The following VDAC3 variants were observed in gnomAD, a reference collection of about 807,000 sequenced individuals.
The protein encoded by VDAC3 is voltage dependent anion channel 3.
In VDAC3, 7 loss-of-function variants were observed where a neutral mutation model predicts 33.9. The observed-to-expected ratio is 0.21, with a 90% CI of 0.12 to 0.39. The LOEUF (loss-of-function observed/expected upper bound fraction) is 0.39. VDAC3 is among the 10% of genes least tolerant of loss of function. The probability of loss-of-function intolerance (pLI) is 1.00; values close to 1 mark genes in which losing one functional copy is unlikely to be tolerated. For synonymous variants in VDAC3, 100 were observed against 122.4 expected, an observed-to-expected ratio of 0.82 and a Z score of 1.21; for missense variants, 261 against 334.5, an observed-to-expected ratio of 0.78 and a Z score of 1.71.
intron 4 of VDAC3, chr8:42,397,735 A>G (rs559668879): frequency 8.5e-5 from 13 of 152,364 alleles, no homozygotes; most frequent in African/African-American, 2.6e-4. Flanking sequence ...TAGACAGGAT[A>G]GAAAGGGGGA....
rs373203963 is a variant in VDAC3 at position 42,405,263 on chromosome 8, G to A, written c.761-108G>A. 66 of 861,302 alleles carry A rather than the reference G, an allele frequency of 7.7e-5. No homozygotes were observed. In the East Asian group the frequency reaches 1.5e-3, roughly 20 times the overall value. 53.4% of individuals were successfully genotyped at this position (861,302 alleles called of 1,614,324 possible). On this transcript the variant is annotated intron_variant, in intron 9 of 9. Coordinates refer to ENST00000022615, the MANE Select transcript of VDAC3 (RefSeq NM_005662.7). ...AGTAATAGCTGTTTGCTTATAGCTC[G>A]TATACCCAGCTACAATCCACACCAT...
At chr8:42,399,092 C>T (rs1383932716) in intron 5 of VDAC3, among the ~76,000 whole-genome samples, 3 of 152,024 alleles carry the variant, frequency 2.0e-5, no homozygotes, top group Non-Finnish European at 4.4e-5. Flanking sequence ...CTCTGTTACA[C>T]AGCTAAGCTT....
intron 8 of VDAC3, 142 bp from the exon 9 acceptor site, chr8:42,404,722 CAAA>C (rs878902511): frequency 0.012 from 4,081 of 350,668 alleles, no homozygotes; most frequent in South Asian, 0.032. Context: ...AACTTCATCT[CAAA>C]AAAAAAAAAA....
At chr8:42,394,121 C>T (rs977497221) in intron 2 of VDAC3, 89 bp from the exon 3 acceptor site, 1 of 1,184,744 alleles carries the variant, frequency 8.4e-7, no homozygotes, top group African/African-American at 1.5e-5. Context: ...CTGTATACCC[C>T]TTCTCACAGG....
rs531735926 is a variant in VDAC3 at position 42,403,199 on chromosome 8, C to T, written c.552-112C>T. 2.3e-6 allele frequency: 3 copies of T among 1,314,254 alleles called. No homozygotes were observed. The Admixed American group carries it at 6.8e-5, about 30-fold the overall frequency. 81.4% of individuals were successfully genotyped at this position (1,314,254 alleles called of 1,614,324 possible). A position where few individuals can be genotyped will look rare whatever the true frequency, so the allele number is the denominator to read the frequency against. The stretch of plus-strand genomic sequence containing the variant: ...ATTTATGCTAGAAATTTGCTGAAAT[C>T]TATAGTTACAAAATGGGATCCTTGT... On this transcript the variant is annotated intron_variant, in intron 7 of 9. Transcript: ENST00000022615.
intron 3 of VDAC3, 59 bp downstream of exon 3, chr8:42,394,337 G>A (rs755273669): frequency 2.8e-5 from 39 of 1,394,698 alleles, no homozygotes; most frequent in Non-Finnish European, 3.6e-5. Flanking sequence ...AATGCCTACT[G>A]TGTGTAAATA....
Position 42,393,867 on chromosome 8 carries a change from G to C in VDAC3, c.-20G>C. ...CAGGTCTTTGGTTTCATAAGAGCCT[G>C]AGAGAGATTTTTCTAAGGTAAATTT... On this transcript the variant is annotated 5_prime_UTR_variant, in exon 2 of 10. Transcript: ENST00000022615. 2.3e-6 allele frequency: 1 copy of C among 425,988 alleles called. No individual in the cohort carries two copies. The highest frequency in any genetic ancestry group is 4.1e-6 in the Non-Finnish European group (1 of 241,274). The allele number at this position is 425,988 out of a possible 1,614,324, so 26.4% of individuals were successfully genotyped here.
At chr8:42,395,204 G>A (rs1802283444) in intron 4 of VDAC3, 71 bp downstream of exon 4, 2 of 1,593,050 alleles carry the variant, frequency 1.3e-6, no homozygotes, top group African/African-American at 1.4e-5. Flanking sequence ...AATCATGACA[G>A]TCTAGTTACT....
chr8:42,398,852 T>C lies in VDAC3; in HGVS notation c.258T>C (p.Ser86=). The C allele has an allele frequency of 6.2e-7, 1 of 1,611,292 alleles. No individual in the cohort carries two copies. The change falls in exon 5 of 10, where the codon TCT becomes TCC. Residue 86 remains serine, a synonymous_variant. Transcript: ENST00000022615. ...NTDNTLGTEI[S]WENKLAEGLK... ...ACAATACTCTAGGGACAGAAATCTC[T>C]TGGGAGAATAAGGTAAGAGAACGCA...
chr8:42,401,652 A>T, intron 6 of VDAC3, 136 bp from the exon 7 acceptor site: 2 of 747,848 alleles, frequency 2.7e-6, no homozygotes, highest in African/African-American at 1.8e-5. Flanking sequence ...AAATGTTTTT[A>T]CTATATATGT....
chr8:42,400,057 G>T lies in VDAC3; in HGVS notation c.323+354G>T, dbSNP rs190082712. ...CTGCTGAGAAAGTTAATTCCTTTTG[G>T]CTGGGCGTGGTGGCTCACGCCTGTA... On this transcript the variant is annotated intron_variant, in intron 6 of 9. Coordinates refer to ENST00000022615, the MANE Select transcript of VDAC3 (RefSeq NM_005662.7). Among the ~76,000 whole-genome samples the T allele has an allele frequency of 2.8e-4, 42 of 152,296 alleles. 1 individual carries two copies. Among genetic ancestry groups the T allele is most frequent in the Admixed American group, 2.7e-3 (41 of 15,302 alleles).
At position 42,393,845 on chromosome 8, in the gene VDAC3, G is replaced by A. The variant is rs1469150965; in HGVS notation, c.-42G>A. The A allele has an allele frequency of 7.1e-6, 3 of 420,486 alleles. No individual in the cohort carries two copies. The highest frequency in any genetic ancestry group is 1.3e-5 in the Non-Finnish European group (3 of 237,936). The allele number at this position is 420,486 out of a possible 1,614,324, so 26.0% of individuals were successfully genotyped here. ...AAATTTCCATTGTTGTCTTATACAG[G>A]TCTTTGGTTTCATAAGAGCCTGAGA... On this transcript the variant is annotated splice_region_variant and 5_prime_UTR_variant, in exon 2 of 10. Coordinates refer to ENST00000022615, the MANE Select transcript of VDAC3 (RefSeq NM_005662.7).
intron 1 of VDAC3, among the ~76,000 whole-genome samples, chr8:42,392,421 C>A (rs1824886374): frequency 1.3e-5 from 2 of 152,224 alleles, no homozygotes; most frequent in African/African-American, 2.4e-5. Context: ...TCTCCTGCAG[C>A]CTCTGTGCAG....
chr8:42,391,963 C>G (rs1440812512), intron 1 of VDAC3, 35 bp downstream of exon 1: 2 of 152,504 alleles, frequency 1.3e-5, no homozygotes, highest in Non-Finnish European at 2.9e-5. Context: ...GCTCCAGTCC[C>G]GGAGAGCGGT....
intron 8 of VDAC3, among the ~76,000 whole-genome samples, 162 bp downstream of exon 8, chr8:42,403,623 C>G (rs1802453127): frequency 6.6e-6 from 1 of 152,224 alleles, no homozygotes; most frequent in Non-Finnish European, 1.5e-5. Flanking sequence ...CGCCTGTATT[C>G]CCAGCACTTT....
intron 4 of VDAC3, chr8:42,396,779 A>G (rs1346376410): frequency 1.5e-6 from 1 of 647,048 alleles, no homozygotes; most frequent in Non-Finnish European, 2.7e-6. Context: ...CAAATTTCTT[A>G]GATTGTGTCT....
intron 6 of VDAC3, among the ~76,000 whole-genome samples, chr8:42,400,750 C>G (rs866204180): frequency 7.6e-6 from 1 of 132,190 alleles, no homozygotes; most frequent in Non-Finnish European, 1.5e-5. Context: ...ACTGCAAACT[C>G]TGCCTCCTGG....
intron 7 of VDAC3, 166 bp downstream of exon 7, chr8:42,402,181 G>A (rs1802427088): frequency 4.0e-6 from 3 of 747,256 alleles, no homozygotes; most frequent in African/African-American, 1.8e-5. Context: ...TGGTGCACGT[G>A]GTGTGCAGGC....
At chr8:42,396,882 A>T (rs1802327720) in intron 4 of VDAC3, 2 of 518,404 alleles carry the variant, frequency 3.9e-6, no homozygotes, top group South Asian at 6.0e-5. Context: ...TATGCATGTT[A>T]TATGCATGTT....
Sources: gnomAD v4.1 joint callset for allele counts (sites outside exome capture counted in the v4.1 genomes callset) on GRCh38, gnomAD v4.1.1 for gene constraint, MANE v1.5 for transcripts, NCBI Gene and HGNC (gene_info 2026-07-23, HGNC 2026-07-21) for gene names.